Variants in RPSA2 observed in about 807,000 individuals in gnomAD.
RPSA2 encodes small ribosomal subunit protein uS2B.
chr19:23,824,097 T>G, the RPSA2 span, among the ~76,000 whole-genome samples: 1 of 152,172 alleles, frequency 6.6e-6, no homozygotes, highest in East Asian at 1.9e-4. Flanking sequence ...CTTTTATATG[T>G]GCATGGTGGC....
chr19:23,860,259 C>A, the RPSA2 span, among the ~76,000 whole-genome samples: 1 of 152,154 alleles, frequency 6.6e-6, no homozygotes, highest in Non-Finnish European at 1.5e-5. Context: ...CTCCACACGA[C>A]CCTCCCAAAC....
At chr19:23,785,489 A>G in the RPSA2 span, among the ~76,000 whole-genome samples, 1 of 152,148 alleles carries the variant, frequency 6.6e-6, no homozygotes, top group African/African-American at 2.4e-5. Flanking sequence ...CAGGTACCAG[A>G]CAATGTGTCT....
At chr19:23,761,922 T>TCCTTCCTTCCTTCCTTCCTTCC in the RPSA2 span, among the ~76,000 whole-genome samples, 332 of 99,026 alleles carry the variant, frequency 3.4e-3, 10 homozygotes, top group East Asian at 7.8e-3. Flanking sequence ...CTTTCTTTCT[T>TCCTTCCTTCCTTCCTTCCTTCC]TTTTTTTTTT....
chr19:23,793,264 A>G, the RPSA2 span, among the ~76,000 whole-genome samples: 1 of 150,058 alleles, frequency 6.7e-6, no homozygotes, highest in Admixed American at 6.6e-5. Flanking sequence ...ACAAAGGATG[A>G]GAATTTTATT....
At chr19:23,843,210 C>A in the RPSA2 span, 1 of 256,888 alleles carries the variant, frequency 3.9e-6, no homozygotes, top group Non-Finnish European at 8.1e-6. Context: ...GATCTGATCT[C>A]CTGCCTTGAG....
chr19:23,767,163 A>G, the RPSA2 span, among the ~76,000 whole-genome samples: 3 of 151,886 alleles, frequency 2.0e-5, no homozygotes, highest in South Asian at 6.2e-4. Flanking sequence ...GCTGTTCTCG[A>G]ACTCCTGACC....
At chr19:23,829,978 G>A in the RPSA2 span, among the ~76,000 whole-genome samples, 1 of 150,356 alleles carries the variant, frequency 6.7e-6, no homozygotes, top group South Asian at 2.1e-4. Flanking sequence ...AAAAGGAACT[G>A]TTGTTAGCAC....
At chr19:23,823,054 C>T in the RPSA2 span, among the ~76,000 whole-genome samples, 1 of 152,130 alleles carries the variant, frequency 6.6e-6, no homozygotes, top group South Asian at 2.1e-4. Context: ...CCCCAGTTAC[C>T]ACCTTAAATA....
At chr19:23,781,723 C>T in the RPSA2 span, among the ~76,000 whole-genome samples, 1 of 152,126 alleles carries the variant, frequency 6.6e-6, no homozygotes, top group African/African-American at 2.4e-5. Flanking sequence ...GTACTTAGAC[C>T]CAACATACAG....
At chr19:23,854,988 A>G in the RPSA2 span, among the ~76,000 whole-genome samples, 3 of 152,338 alleles carry the variant, frequency 2.0e-5, no homozygotes, top group East Asian at 3.9e-4. Context: ...TCAGAGACAG[A>G]TTTTTGAACA....
At chr19:23,762,581 C>A in the RPSA2 span, among the ~76,000 whole-genome samples, 148,184 of 151,444 alleles carry the variant, frequency 0.98, 72,587 homozygotes, top group Middle Eastern at 1. Flanking sequence ...GAGGCTGAGG[C>A]AAGAAAATCA....
At chr19:23,822,469 T>C in the RPSA2 span, among the ~76,000 whole-genome samples, 1 of 124,606 alleles carries the variant, frequency 8.0e-6, no homozygotes, top group African/African-American at 2.9e-5. Flanking sequence ...ATTAGATCTA[T>C]GAGGTCCTGG....
the RPSA2 span, among the ~76,000 whole-genome samples, chr19:23,863,564 CAAAAAA>C: frequency 7.3e-5 from 8 of 109,796 alleles, no homozygotes; most frequent in Admixed American, 9.1e-5. Flanking sequence ...GATTCCAACT[CAAAAAA>C]AAAAAAAAAA....
chr19:23,827,272 C>T, the RPSA2 span: 5 of 826,314 alleles, frequency 6.1e-6, no homozygotes, highest in Non-Finnish European at 1.0e-5. Flanking sequence ...TGGAACACTA[C>T]ATCTATAAAA....
chr19:23,789,015 C>CTTTTTTTTTTTTTTTTT, the RPSA2 span, among the ~76,000 whole-genome samples: 1 of 10,872 alleles, frequency 9.2e-5, no homozygotes, highest in African/African-American at 1.9e-4. Flanking sequence ...TCTTTTTTTT[C>CTTTTTTTTTTTTTTTTT]TTTCTTTCTT....
chr19:23,863,111 C>T, the RPSA2 span, among the ~76,000 whole-genome samples: 1 of 152,112 alleles, frequency 6.6e-6, no homozygotes, highest in Non-Finnish European at 1.5e-5. Context: ...GTGTGTTTGG[C>T]TTAACAGGTC....
At chr19:23,824,296 G>A in the RPSA2 span, among the ~76,000 whole-genome samples, 1 of 152,182 alleles carries the variant, frequency 6.6e-6, no homozygotes, top group African/African-American at 2.4e-5. Context: ...AACTAAAGCA[G>A]GCCTTGCAGC....
chr19:23,760,439 T>C, the RPSA2 span, among the ~76,000 whole-genome samples: 2 of 152,072 alleles, frequency 1.3e-5, no homozygotes, highest in East Asian at 3.9e-4. Flanking sequence ...TTCCATGTCA[T>C]GAACGATGAT....
the RPSA2 span, among the ~76,000 whole-genome samples, chr19:23,760,736 C>A: frequency 1.3e-5 from 2 of 149,950 alleles, no homozygotes; most frequent in South Asian, 2.1e-4. Context: ...GCAGTCTCGG[C>A]TCACTGCAAC....
Sources: allele counts gnomAD v4.1 joint callset (sites outside exome capture counted in the v4.1 genomes callset), GRCh38; gene constraint gnomAD v4.1.1; transcripts MANE v1.5; gene names NCBI Gene and HGNC (gene_info 2026-07-23, HGNC 2026-07-21).